EBF3: variants seen among roughly 807,000 people sequenced by gnomAD.
The protein encoded by EBF3 is EBF transcription factor 3.
EBF3 carries 18 observed loss-of-function variants against 77.1 expected under a neutral mutation model. The ratio of observed to expected loss-of-function variants is 0.23; its 90% CI spans 0.16 to 0.35. The LOEUF is 0.35. Among genes scored for constraint, EBF3 ranks in the 10% least tolerant of loss-of-function variants. EBF3 has a pLI of 1.00. For synonymous variants in EBF3, 350 were observed against 343.5 expected (o/e 1.02, Z -0.21); for missense variants, 558 against 860.0 (o/e 0.65, Z 4.39).
At chr10:129,873,777 GTTTGT>G (rs1852571480) in intron 7 of EBF3, among the ~76,000 whole-genome samples, 181 bp from the exon 8 acceptor site, 1 of 152,190 alleles carries the variant, frequency 6.6e-6, no homozygotes, top group Admixed American at 6.5e-5. Context: ...GGGTTGTTTT[GTTTGT>G]TTTGTTTTGA....
intron 10 of EBF3, among the ~76,000 whole-genome samples, chr10:129,862,344 C>T (rs10734092): frequency 0.26 from 38,879 of 151,964 alleles, 5,144 homozygotes; most frequent in South Asian, 0.33. Flanking sequence ...GGTATTCCGC[C>T]GTCAAGAGCT....
In EBF3 at chr10:129,958,918, G is replaced by A; in HGVS notation, c.485+16C>T. 1 of 1,583,712 alleles carries A rather than the reference G, an allele frequency of 6.3e-7. No homozygotes were observed. Reference sequence around the variant, plus strand: ...GAGGCAGCCCGCGCCCCCGCCGCCCGCCGCCCGCCGCTCACCTGCACATGA... The same window carrying A: ...GAGGCAGCCCGCGCCCCCGCCGCCCACCGCCCGCCGCTCACCTGCACATGA... On this transcript the variant is annotated intron_variant, in intron 5 of 16. Transcript: ENST00000440978.
In EBF3 at chr10:129,840,256, T is replaced by A; in HGVS notation, c.1748A>T (p.Asn583Ile). 1 of 1,397,014 alleles carries A rather than the reference T, an allele frequency of 7.2e-7. No individual in the cohort carries two copies. The highest frequency in any genetic ancestry group is 9.6e-7 in the Non-Finnish European group (1 of 1,046,510). The allele number at this position is 1,397,014 out of a possible 1,614,324, so 86.5% of individuals were successfully genotyped here. Residue 583 changes from asparagine (N) to isoleucine (I), a missense_variant, in exon 15 of 17, where the codon AAT (asparagine) becomes ATT (isoleucine). Around this residue, in one of 5 missense-constraint regions of EBF3, gnomAD observed 284 missense variants for 368.3 expected, o/e 0.77. Transcript: ENST00000440978. ...PPPSCTSANG[N>I]GLQGSLLGAE... ...CGCACCACCCTCACCTTGCAGTCCA[T>A]TCCCGTTGGCGCTGGTGCAGGAAGG...
chr10:129,868,423 GA>G (rs1013814966), intron 8 of EBF3, among the ~76,000 whole-genome samples: 1 of 151,882 alleles, frequency 6.6e-6, no homozygotes, highest in Non-Finnish European at 1.5e-5. Context: ...TTTTCATCAG[GA>G]AAAAAAATCA....
At chr10:129,955,157 T>C (rs772587342) in intron 6 of EBF3, among the ~76,000 whole-genome samples, 29 of 152,220 alleles carry the variant, frequency 1.9e-4, no homozygotes, top group Non-Finnish European at 4.1e-4. Context: ...ATGCTAATAG[T>C]ACTTTGCCAT....
Position 129,867,184 on chromosome 10 carries a change from G to A in EBF3, c.996C>T (p.Ser332=), listed in dbSNP as rs1852082425. 1 of 1,614,004 alleles carries A rather than the reference G, an allele frequency of 6.2e-7. No homozygotes were observed. The highest frequency in any genetic ancestry group is 1.7e-5 in the Admixed American group (1 of 59,990). ...CAGGAGCACCTTTGCAGAACTGCTTGGATTTGTAGGAGAGGGTCACTTCGA... is the reference window on the plus strand; with the variant it reads ...CAGGAGCACCTTTGCAGAACTGCTTAGATTTGTAGGAGAGGGTCACTTCGA... The part of the protein sequence containing the change: ...GVVEVTLSYK[S]KQFCKGAPGR... Residue 332 remains serine (S), a synonymous_variant, in exon 10 of 17, where the codon TCC becomes TCT. Coordinates refer to ENST00000440978, the MANE Select transcript of EBF3 (RefSeq NM_001375380.1).
rs771097319 is a variant in EBF3, at chr10:129,938,172, T to C, written c.554+19086A>G. Among the ~76,000 whole-genome samples, 1 of 152,120 alleles carries C rather than the reference T, an allele frequency of 6.6e-6. No homozygotes were observed. The highest frequency in any genetic ancestry group is 1.5e-5 in the Non-Finnish European group (1 of 68,024). On this transcript the variant is annotated intron_variant, in intron 6 of 16. Coordinates refer to ENST00000440978, the MANE Select transcript of EBF3 (RefSeq NM_001375380.1). The surrounding 1 kb of genome is among the most constrained non-coding windows in gnomAD (Gnocchi z 5.1). ...TTTTGTGCGAGGCTAGCCCCCCGCA[T>C]GAGGCTTCATCAGTGAGCCCCTCTG...
chr10:129,887,135 T>C (rs1853664144), intron 6 of EBF3, among the ~76,000 whole-genome samples: 1 of 142,490 alleles, frequency 7.0e-6, no homozygotes, highest in Admixed American at 7.7e-5. Flanking sequence ...CCATACAAGT[T>C]GCAGCCCCAC....
In EBF3 at chr10:129,837,965, A is replaced by G; in HGVS notation, c.1873-5T>C. 1.2e-6 allele frequency: 2 copies of G among 1,614,076 alleles called. No homozygotes were observed. The highest frequency in any genetic ancestry group is 1.3e-5 in the African/African-American group (1 of 75,066). ...GGACTACCAGCCCAGACATAGCTGCAAGACAGAAGGACAGAGCAGTTACTG... is the reference window on the plus strand; with the variant it reads ...GGACTACCAGCCCAGACATAGCTGCGAGACAGAAGGACAGAGCAGTTACTG... On this transcript the variant is annotated splice_polypyrimidine_tract_variant and splice_region_variant and intron_variant, in intron 16 of 16. Transcript: ENST00000440978.
intron 10 of EBF3, among the ~76,000 whole-genome samples, chr10:129,852,185 T>C (rs1476431807): frequency 6.6e-6 from 1 of 152,212 alleles, no homozygotes; most frequent in South Asian, 2.1e-4. Context: ...CACGCTGGAA[T>C]AGCCTACAGC....
intron 6 of EBF3, among the ~76,000 whole-genome samples, chr10:129,920,766 G>T (rs1781370356): frequency 6.6e-6 from 1 of 152,240 alleles, no homozygotes; most frequent in South Asian, 2.1e-4. Flanking sequence ...CAGATGAGAA[G>T]GGCCCAGTAA....
rs1206635644 is a variant in EBF3 at position 129,843,132 on chromosome 10, C to T, written c.1194+5G>A. ...GATGGGCGAGGGGAGCCGCCCTCCA[C>T]CTACCTGGTTGTTGTGAGGCATTCC... On this transcript the variant is annotated splice_donor_5th_base_variant and intron_variant, in intron 12 of 16. Transcript: ENST00000440978. The T allele has an allele frequency of 1.2e-6, 2 of 1,612,826 alleles. No individual in the cohort carries two copies. Among genetic ancestry groups the T allele is most frequent in the African/African-American group, 1.3e-5 (1 of 74,920 alleles).
rs374044394 is a variant in EBF3, at chr10:129,837,654, G to A, written c.*289C>T. The A allele has an allele frequency of 2.8e-4, 115 of 412,392 alleles. 1 individual carries two copies. Among genetic ancestry groups the A allele is most frequent in the African/African-American group, 1.8e-3 (90 of 48,920 alleles). The allele number at this position is 412,392 out of a possible 1,614,324, so 25.5% of individuals were successfully genotyped here. ...GTCGGAAACTTTATACAAAATAGGCGTCGCTTTGTTTTCCTTATTCTTCAG... is the reference window on the plus strand; with the variant it reads ...GTCGGAAACTTTATACAAAATAGGCATCGCTTTGTTTTCCTTATTCTTCAG... On this transcript the variant is annotated 3_prime_UTR_variant, in exon 17 of 17. Coordinates refer to ENST00000440978, the MANE Select transcript of EBF3 (RefSeq NM_001375380.1).
Position 129,840,300 on chromosome 10 carries a change from C to T in EBF3, c.1704G>A (p.Arg568=). 1 of 1,594,328 alleles carries T rather than the reference C, an allele frequency of 6.3e-7. No individual in the cohort carries two copies. The change falls in exon 15 of 17, where the codon CGG becomes CGA. Residue 568 remains arginine, a synonymous_variant. Transcript: ENST00000440978. The part of the protein sequence containing the change: ...KQKSAFAPVV[R]PQASPPPSCT... ...AGGAAGGAGGAGGAGAGGCTTGGGGCCGGACCACGGGCGCGAAGGCGCTCT... is the reference window on the plus strand; with the variant it reads ...AGGAAGGAGGAGGAGAGGCTTGGGGTCGGACCACGGGCGCGAAGGCGCTCT...
At chr10:129,876,012 A>C (rs1159324746) in intron 7 of EBF3, among the ~76,000 whole-genome samples, 2 of 152,278 alleles carry the variant, frequency 1.3e-5, no homozygotes, top group Admixed American at 6.5e-5. Flanking sequence ...TTAAAGAAAC[A>C]TGAAAAAGTA....
At chr10:129,909,775 C>G (rs1001793667) in intron 6 of EBF3, among the ~76,000 whole-genome samples, 7 of 152,212 alleles carry the variant, frequency 4.6e-5, no homozygotes, top group African/African-American at 1.7e-4. Context: ...CCCTGGGGTC[C>G]CCCCAGAACA....
Position 129,873,613 on chromosome 10 carries a change from G to T in EBF3, c.637-17C>A. 6.6e-7 allele frequency: 1 copy of T among 1,504,554 alleles called. No homozygotes were observed. The allele number at this position is 1,504,554 out of a possible 1,614,324, so 93.2% of individuals were successfully genotyped here. A position where few individuals can be genotyped will look rare whatever the true frequency, so the allele number is the denominator to read the frequency against. On this transcript the variant is annotated splice_polypyrimidine_tract_variant and intron_variant, in intron 7 of 16. Transcript: ENST00000440978. ...TACAACAACCTGCAAAGATGAAGTG[G>T]ATTTGAAAATGGAATTGGCAAAGAA... is the stretch of plus-strand genomic sequence containing the variant.
chr10:129,895,634 C>A (rs1432841005), intron 6 of EBF3, among the ~76,000 whole-genome samples: 1 of 152,200 alleles, frequency 6.6e-6, no homozygotes, highest in African/African-American at 2.4e-5. Context: ...GTCCTGAGGA[C>A]CCTGGTAGGG....
chr10:129,898,143 T>TGTTTCAAA (rs1305785433), intron 6 of EBF3, among the ~76,000 whole-genome samples: 1 of 152,252 alleles, frequency 6.6e-6, no homozygotes, highest in Non-Finnish European at 1.5e-5. Context: ...TAAACGATCA[T>TGTTTCAAA]GTTTCAAAGT....
Sources: gnomAD v4.1 joint callset for allele counts (sites outside exome capture counted in the v4.1 genomes callset) on GRCh38, gnomAD v4.1.1 for gene constraint, gnomAD v4.1.1 regional missense constraint, Gnocchi (gnomAD v3.1) non-coding constraint, MANE v1.5 for transcripts, NCBI Gene and HGNC (gene_info 2026-07-23, HGNC 2026-07-21) for gene names.